Variants in CPAP observed in about 807,000 individuals in gnomAD.
CPAP encodes centrosome assembly and centriole elongation protein, also known as centrosomal P4.1-associated protein.
At chr13:24,891,046 G>A in the CPAP span, among the ~76,000 whole-genome samples, 3 of 151,310 alleles carry the variant, frequency 2.0e-5, no homozygotes, top group Non-Finnish European at 2.9e-5. Context: ...GCTGTTATCC[G>A]CTCCCAGCCG....
At chr13:24,905,489 T>C in the CPAP span, 1 of 1,614,204 alleles carries the variant, frequency 6.2e-7, no homozygotes, top group Admixed American at 1.7e-5. Flanking sequence ...CTTGCTCAAG[T>C]CTTCTCCCCT....
the CPAP span, among the ~76,000 whole-genome samples, chr13:24,888,608 G>T: frequency 6.6e-6 from 1 of 152,170 alleles, no homozygotes; most frequent in Non-Finnish European, 1.5e-5. Context: ...ATGTTGCAGA[G>T]CAAAGGGAAA....
chr13:24,930,422 G>A, the CPAP span, among the ~76,000 whole-genome samples: 1 of 152,110 alleles, frequency 6.6e-6, no homozygotes, highest in South Asian at 2.1e-4. Flanking sequence ...CCCAGATACT[G>A]AGCATTGTAC....
the CPAP span, chr13:24,882,778 G>GTGTT: frequency 5.2e-6 from 1 of 190,576 alleles, no homozygotes; most frequent in East Asian, 1.5e-4. Context: ...ACAGAGACAC[G>GTGTT]TGTTTACTCC....
chr13:24,912,198 G>C, the CPAP span: 1 of 850,824 alleles, frequency 1.2e-6, no homozygotes, highest in Non-Finnish European at 1.9e-6. Flanking sequence ...GGGACCCCTA[G>C]GTAACTAAAT....
the CPAP span, among the ~76,000 whole-genome samples, chr13:24,901,142 TA>T: frequency 6.6e-6 from 1 of 152,028 alleles, no homozygotes; most frequent in Admixed American, 6.5e-5. Flanking sequence ...ACAGAAAAGG[TA>T]AAAGACATTC....
At chr13:24,916,080 G>A in the CPAP span, among the ~76,000 whole-genome samples, 1 of 152,174 alleles carries the variant, frequency 6.6e-6, no homozygotes, top group African/African-American at 2.4e-5. Context: ...CTAACACCAG[G>A]AGTTCTGTTA....
At chr13:24,884,268 T>A in the CPAP span, 1 of 1,614,130 alleles carries the variant, frequency 6.2e-7, no homozygotes, top group African/African-American at 1.3e-5. Context: ...ACAGTCAGTC[T>A]GCCTTTTCTC....
At chr13:24,897,347 C>A in the CPAP span, among the ~76,000 whole-genome samples, 2 of 152,206 alleles carry the variant, frequency 1.3e-5, no homozygotes, top group African/African-American at 2.4e-5. Context: ...TTGTAGGAAT[C>A]CATCCTAGAG....
the CPAP span, chr13:24,886,132 G>A: frequency 1.1e-4 from 46 of 418,332 alleles, no homozygotes; most frequent in South Asian, 6.4e-4. Flanking sequence ...AAATAAACAC[G>A]CCCCCACCAA....
chr13:24,924,108 C>T, the CPAP span, among the ~76,000 whole-genome samples: 3 of 152,194 alleles, frequency 2.0e-5, no homozygotes, highest in Non-Finnish European at 4.4e-5. Flanking sequence ...GCTGGAATTA[C>T]AGGCGTGAGC....
the CPAP span, chr13:24,903,789 TA>T: frequency 9.9e-7 from 1 of 1,012,268 alleles, no homozygotes; most frequent in Non-Finnish European, 1.5e-6. Context: ...AAAAAAAACT[TA>T]TATGATACAG....
the CPAP span, chr13:24,906,859 T>C: frequency 1.5e-5 from 24 of 1,614,124 alleles, no homozygotes; most frequent in South Asian, 3.3e-5. Context: ...CTTTGCCTTT[T>C]TGAAACTTAG....
chr13:24,887,252 A>G, the CPAP span, among the ~76,000 whole-genome samples: 22 of 152,330 alleles, frequency 1.4e-4, no homozygotes, highest in Middle Eastern at 6.8e-3. Context: ...ACTGATTTGC[A>G]ATTTATGTAG....
At chr13:24,886,493 A>G in the CPAP span, 1 of 532,884 alleles carries the variant, frequency 1.9e-6, no homozygotes, top group African/African-American at 1.9e-5. Flanking sequence ...TAATAGATCC[A>G]GAAAATAACA....
chr13:24,885,459 T>C, the CPAP span: 1 of 1,215,578 alleles, frequency 8.2e-7, no homozygotes. Flanking sequence ...TATAGGGTTC[T>C]AGGACTAGTG....
chr13:24,883,898 C>G, the CPAP span: 1 of 1,607,036 alleles, frequency 6.2e-7, no homozygotes, highest in Non-Finnish European at 8.5e-7. Flanking sequence ...GCTGGGGCAC[C>G]TTCTGAGCAC....
chr13:24,906,998 T>C, the CPAP span: 4 of 1,601,084 alleles, frequency 2.5e-6, no homozygotes, highest in South Asian at 4.4e-5. Flanking sequence ...AATTTTGGTA[T>C]ATCCAAGTGA....
the CPAP span, among the ~76,000 whole-genome samples, chr13:24,892,404 T>C: frequency 2.0e-5 from 3 of 152,258 alleles, no homozygotes; most frequent in South Asian, 6.2e-4. Flanking sequence ...CTTCAGCATG[T>C]TTAGGTGCAC....
Sources: allele counts gnomAD v4.1 joint callset (sites outside exome capture counted in the v4.1 genomes callset), GRCh38; gene constraint gnomAD v4.1.1; transcripts MANE v1.5; gene names NCBI Gene and HGNC (gene_info 2026-07-23, HGNC 2026-07-21).